Variants in ZBED6 observed in about 807,000 individuals in gnomAD.
ZBED6 encodes zinc finger BED domain-containing protein 6.
ZBED6 carries 40 observed loss-of-function variants against 58.4 expected under a neutral mutation model. That is an observed-to-expected ratio of 0.68 (90% CI 0.53 to 0.89). The LOEUF is 0.89. Among genes scored for constraint, ZBED6 ranks in the 40% least tolerant of loss-of-function variants. ZBED6 has a pLI of 0.00. For missense variants in ZBED6, 1,057 were observed against 1,003.9 expected (o/e 1.05, Z -0.71); for synonymous variants, 439 against 350.6 (o/e 1.25, Z -2.82).
At chr1:203,840,450 C>T in intron 11 of ZBED6, 76 bp downstream of exon 11, 1 of 1,420,004 alleles carries the variant, frequency 7.0e-7, no homozygotes, top group Non-Finnish European at 9.7e-7. Flanking sequence ...TCAGATTTAC[C>T]TGTTGCTTGC....
intron 1 of ZBED6, among the ~76,000 whole-genome samples, chr1:203,803,416 C>G (rs1260726492): frequency 1.3e-5 from 2 of 152,176 alleles, no homozygotes; most frequent in African/African-American, 2.4e-5. Flanking sequence ...GTCTGGAATT[C>G]CTGACCTCAG....
intron 9 of ZBED6, chr1:203,835,676 T>G (rs1028577534): frequency 8.2e-6 from 2 of 244,274 alleles, no homozygotes; most frequent in African/African-American, 4.6e-5. Context: ...CACCACTGTT[T>G]CCATGGGCTT....
intron 8 of ZBED6, among the ~76,000 whole-genome samples, chr1:203,833,314 G>A (rs538978351): frequency 3.4e-5 from 5 of 147,894 alleles, no homozygotes; most frequent in East Asian, 4.0e-4. Context: ...GCAGTGAGCC[G>A]AGATCGGGCC....
chr1:203,823,390 A>G (rs1202118796), intron 3 of ZBED6, among the ~76,000 whole-genome samples: 1 of 152,236 alleles, frequency 6.6e-6, no homozygotes, highest in Non-Finnish European at 1.5e-5. Flanking sequence ...AGGGAAATCC[A>G]TTAGAGACTC....
In ZBED6 at chr1:203,798,635, T is replaced by G. The variant is rs762568030; in HGVS notation, c.1113T>G (p.Pro371=). ...TTAGTGACTCTGATTCAGATGAACC[T>G]ATGTTAGAGGTTGAAAACAGATCTG... is the stretch of plus-strand genomic sequence containing the variant. Residue 371 remains proline (P), a synonymous_variant, in exon 1 of 17, where the codon CCT becomes CCG. Transcript: ENST00000550078. 4 of 1,536,022 alleles carry G rather than the reference T, an allele frequency of 2.6e-6. No individual in the cohort carries two copies. In the South Asian group the frequency reaches 4.8e-5, roughly 18 times the overall value.
At chr1:203,806,741 G>C in intron 1 of ZBED6, among the ~76,000 whole-genome samples, 1 of 150,992 alleles carries the variant, frequency 6.6e-6, no homozygotes, top group Non-Finnish European at 1.5e-5. Context: ...TGCATATGCT[G>C]ATGATTTCTG....
chr1:203,805,538 GTA>G (rs1672037280), intron 1 of ZBED6: 2 of 550,826 alleles, frequency 3.6e-6, no homozygotes, highest in Admixed American at 4.2e-5. Context: ...GGACAGAAAC[GTA>G]TCTGTTACGG....
rs34793133 is a variant in ZBED6, at chr1:203,846,115, CAAA to C, written c.*3742-1051_*3742-1049del. 1.5e-4 allele frequency among the ~76,000 whole-genome samples: 8 copies of C among 53,168 alleles called. No individual in the cohort carries two copies. In the East Asian group the frequency reaches 1.9e-3, roughly 13 times the overall value. 34.9% of individuals were successfully genotyped at this position (53,168 alleles called of 152,430 possible). Reference sequence around the variant, plus strand: ...CCACATAACAAGACCTCGTCTTTACCAAAAAAAAAAAAAAAAAAAAGATTTTGA... The same window carrying C: ...CCACATAACAAGACCTCGTCTTTACCAAAAAAAAAAAAAAAAAGATTTTGA... On this transcript the variant is annotated intron_variant, in intron 11 of 16. Coordinates refer to ENST00000550078, the Ensembl canonical transcript of ZBED6.
At chr1:203,818,813 T>A in intron 3 of ZBED6, 124 bp downstream of exon 3, 1 of 1,436,588 alleles carries the variant, frequency 7.0e-7, no homozygotes, top group Non-Finnish European at 9.4e-7. Flanking sequence ...CTCATGCCTG[T>A]AGTTCCAGCA....
At chr1:203,824,567 TG>T (rs1679863443) in intron 3 of ZBED6, among the ~76,000 whole-genome samples, 1 of 152,190 alleles carries the variant, frequency 6.6e-6, no homozygotes, top group Non-Finnish European at 1.5e-5. Context: ...TCATCTGACA[TG>T]TGTCACATTG....
intron 13 of ZBED6, 89 bp downstream of exon 13, chr1:203,848,496 T>C: frequency 1.1e-6 from 1 of 897,478 alleles, no homozygotes; most frequent in South Asian, 1.6e-5. Flanking sequence ...TTCTAAGTAC[T>C]TCATTCATAT....
In ZBED6 at chr1:203,796,359, C is replaced by T. The variant is rs563122279; in HGVS notation, c.-1164C>T. The T allele has an allele frequency of 2.1e-3, 841 of 398,890 alleles. 4 individuals are homozygous for T. The highest frequency in any genetic ancestry group is 3.3e-3 in the Non-Finnish European group (748 of 226,052). The allele number at this position is 398,890 out of a possible 1,614,324, so 24.7% of individuals were successfully genotyped here. On this transcript the variant is annotated 5_prime_UTR_variant, in exon 1 of 17. Coordinates refer to ENST00000550078, the Ensembl canonical transcript of ZBED6. ...AAAGCCACCGACCTTATTCCGGTAT[C>T]CTACACCCATTCCCCACTCTCATTA...
intron 10 of ZBED6, 47 bp downstream of exon 10, chr1:203,838,111 T>A: frequency 2.6e-6 from 4 of 1,534,142 alleles, no homozygotes; most frequent in Non-Finnish European, 3.6e-6. Flanking sequence ...ATTATGACAC[T>A]TGTGTCTTGT....
At chr1:203,809,180 T>TG (rs1175014447) in intron 1 of ZBED6, among the ~76,000 whole-genome samples, 1 of 140,758 alleles carries the variant, frequency 7.1e-6, no homozygotes, top group Non-Finnish European at 1.6e-5. Context: ...CTGTTTTTTT[T>TG]TTTTTTTTTT....
chr1:203,809,475 C>T (rs1279050882), intron 1 of ZBED6, among the ~76,000 whole-genome samples: 3 of 152,064 alleles, frequency 2.0e-5, no homozygotes, highest in Non-Finnish European at 4.4e-5. Context: ...CGCACCCAGC[C>T]CCACTCTTTT....
chr1:203,843,114 G>A (rs1686930364), intron 11 of ZBED6, among the ~76,000 whole-genome samples: 1 of 152,074 alleles, frequency 6.6e-6, no homozygotes, highest in Non-Finnish European at 1.5e-5. Context: ...TTATTCTGTT[G>A]TATGCAACCT....
Position 203,831,800 on chromosome 1 carries a change from C to T in ZBED6, c.*3510+29C>T, listed in dbSNP as rs762519776. Reference sequence around the variant, plus strand: ...AGGTATAGATAGGTCTTAGAGTTGTCAAGCCTCTACTTTTATATAATTGGG... The same window carrying T: ...AGGTATAGATAGGTCTTAGAGTTGTTAAGCCTCTACTTTTATATAATTGGG... On this transcript the variant is annotated intron_variant, in intron 8 of 16. Transcript: ENST00000550078. 5 of 1,544,018 alleles carry T rather than the reference C, an allele frequency of 3.2e-6. No individual in the cohort carries two copies. The South Asian group carries it at 5.9e-5, about 18-fold the overall frequency.
At chr1:203,841,161 T>TA (rs1320585865) in intron 11 of ZBED6, among the ~76,000 whole-genome samples, 19 of 151,060 alleles carry the variant, frequency 1.3e-4, no homozygotes, top group African/African-American at 3.4e-4. Flanking sequence ...TTTTTTATTT[T>TA]TTTTTTTAGT....
chr1:203,832,522 G>A (rs12239405), intron 8 of ZBED6, among the ~76,000 whole-genome samples: 73,355 of 151,754 alleles, frequency 0.48, 18,269 homozygotes, highest in Non-Finnish European at 0.53. Context: ...CACCACGCCT[G>A]GCTAATTTTT....
Sources: gnomAD v4.1 joint callset for allele counts (sites outside exome capture counted in the v4.1 genomes callset) on GRCh38, gnomAD v4.1.1 for gene constraint, MANE v1.5 for transcripts, NCBI Gene and HGNC (gene_info 2026-07-23, HGNC 2026-07-21) for gene names.